SLC36A1: variants seen among roughly 807,000 people sequenced by gnomAD.
SLC36A1 encodes the protein proton-coupled amino acid transporter 1.
SLC36A1 carries 30 observed loss-of-function variants against 47.5 expected under a neutral mutation model. The observed-to-expected ratio is 0.63, with a 90% CI of 0.47 to 0.86. The LOEUF (loss-of-function observed/expected upper bound fraction) is 0.86. Among genes scored for constraint, SLC36A1 ranks in the 40% least tolerant of loss-of-function variants. SLC36A1 has a pLI of 0.00. For missense variants in SLC36A1, 517 were observed against 606.0 expected, an observed-to-expected ratio of 0.85 and a Z score of 1.54; for synonymous variants, 255 against 249.7, an observed-to-expected ratio of 1.02 and a Z score of -0.20.
chr5:151,461,178 A>T (rs1755454345), intron 2 of SLC36A1, among the ~76,000 whole-genome samples: 1 of 137,510 alleles, frequency 7.3e-6, no homozygotes, highest in Non-Finnish European at 1.6e-5. Flanking sequence ...TTTTGTAGAG[A>T]TAGGGTTTTG....
chr5:151,350,818 C>T, the SLC36A1 span, among the ~76,000 whole-genome samples: 2 of 152,080 alleles, frequency 1.3e-5, no homozygotes, highest in African/African-American at 4.8e-5. Context: ...CCTCCCACCT[C>T]AGCCTCCCAA....
chr5:151,521,125 C>A, the SLC36A1 span: 3 of 714,004 alleles, frequency 4.2e-6, no homozygotes, highest in South Asian at 6.5e-5. Context: ...TTTTGTGAGG[C>A]CACTAGCCGT....
At chr5:151,553,305 G>A in the SLC36A1 span, 3 of 1,614,154 alleles carry the variant, frequency 1.9e-6, no homozygotes, top group Non-Finnish European at 2.5e-6. Flanking sequence ...AGGGATGGAG[G>A]ACGGCCGGGG....
At chr5:151,399,044 A>C in the SLC36A1 span, among the ~76,000 whole-genome samples, 1 of 140,768 alleles carries the variant, frequency 7.1e-6, no homozygotes, top group South Asian at 2.2e-4. Flanking sequence ...ATGTGTGTAT[A>C]TATATATGAG....
chr5:151,500,836 C>T, the SLC36A1 span, among the ~76,000 whole-genome samples: 1 of 152,192 alleles, frequency 6.6e-6, no homozygotes, highest in African/African-American at 2.4e-5. Context: ...TTTAGGATGC[C>T]GGGATTTACC....
At chr5:151,450,084 G>T (rs572966304) in intron 1 of SLC36A1, among the ~76,000 whole-genome samples, 9 of 152,260 alleles carry the variant, frequency 5.9e-5, no homozygotes, top group South Asian at 2.1e-4. Context: ...CCACTTACTG[G>T]CATGTAGAGT....
At chr5:151,393,386 T>C in the SLC36A1 span, among the ~76,000 whole-genome samples, 1 of 152,144 alleles carries the variant, frequency 6.6e-6, no homozygotes, top group African/African-American at 2.4e-5. Context: ...TTAATTGGAG[T>C]ATTTAGCCCA....
the SLC36A1 span, among the ~76,000 whole-genome samples, chr5:151,357,911 T>C: frequency 1.3e-5 from 2 of 152,222 alleles, no homozygotes; most frequent in East Asian, 1.9e-4. Context: ...CAGTGTTTAA[T>C]TGAGCAAAGA....
the SLC36A1 span, among the ~76,000 whole-genome samples, chr5:151,405,691 G>A: frequency 6.6e-6 from 1 of 152,090 alleles, no homozygotes; most frequent in Non-Finnish European, 1.5e-5. Flanking sequence ...TAGGGGGCTG[G>A]TGTTTCTTTA....
the SLC36A1 span, among the ~76,000 whole-genome samples, chr5:151,374,190 G>A: frequency 4.6e-5 from 7 of 152,286 alleles, no homozygotes; most frequent in Admixed American, 6.5e-5. Flanking sequence ...CCTGAAGATC[G>A]AGAAAGAGTC....
the SLC36A1 span, among the ~76,000 whole-genome samples, chr5:151,388,663 C>A: frequency 1.5e-5 from 2 of 132,966 alleles, no homozygotes; most frequent in Non-Finnish European, 3.1e-5. Flanking sequence ...CAGAATAAAT[C>A]TCTTCAAATA....
the SLC36A1 span, chr5:151,527,432 G>T: frequency 6.7e-7 from 1 of 1,490,482 alleles, no homozygotes; most frequent in South Asian, 1.3e-5. Flanking sequence ...CCTCACTTCT[G>T]CCCCCTGAGT....
chr5:151,348,555 G>T, the SLC36A1 span, among the ~76,000 whole-genome samples: 2 of 152,178 alleles, frequency 1.3e-5, no homozygotes, highest in African/African-American at 2.4e-5. Context: ...GATTTGTCAG[G>T]CCCCTCCCTT....
the SLC36A1 span, among the ~76,000 whole-genome samples, chr5:151,515,732 T>C: frequency 6.6e-6 from 1 of 152,210 alleles, no homozygotes; most frequent in African/African-American, 2.4e-5. Flanking sequence ...ATCACCCTGG[T>C]CTAAACCACC....
At chr5:151,455,506 GTC>G (rs1267255430) in intron 1 of SLC36A1, among the ~76,000 whole-genome samples, 5 of 152,052 alleles carry the variant, frequency 3.3e-5, no homozygotes, top group Non-Finnish European at 5.9e-5. Context: ...ACATAAAGAA[GTC>G]TCTCTGCAGT....
At chr5:151,508,709 CAAA>C in the SLC36A1 span, among the ~76,000 whole-genome samples, 2 of 110,128 alleles carry the variant, frequency 1.8e-5, no homozygotes, top group Non-Finnish European at 1.9e-5. Context: ...AACTCCTTCT[CAAA>C]AAAAAAAAAA....
chr5:151,373,498 T>C, the SLC36A1 span, among the ~76,000 whole-genome samples: 2 of 152,316 alleles, frequency 1.3e-5, no homozygotes, highest in Non-Finnish European at 2.9e-5. Flanking sequence ...AGCTTGTCAG[T>C]GTTTACACAA....
At chr5:151,429,384 T>C in the SLC36A1 span, among the ~76,000 whole-genome samples, 410 of 124,122 alleles carry the variant, frequency 3.3e-3, 2 homozygotes, top group African/African-American at 0.012. Context: ...GAGTGTGATG[T>C]TCCCCTTCCT....
upstream of SLC36A1, among the ~76,000 whole-genome samples, chr5:151,436,839 G>A (rs1359468524): frequency 2.0e-5 from 3 of 152,046 alleles, no homozygotes; most frequent in Non-Finnish European, 4.4e-5. Context: ...TCATTTCATT[G>A]GTGAGAAACA....
Sources: gnomAD v4.1 joint callset for allele counts (sites outside exome capture counted in the v4.1 genomes callset) on GRCh38, gnomAD v4.1.1 for gene constraint, MANE v1.5 for transcripts, NCBI Gene and HGNC (gene_info 2026-07-23, HGNC 2026-07-21) for gene names.